The following SND1 variants were observed in gnomAD, a reference collection of about 807,000 sequenced individuals.
The protein encoded by SND1 is staphylococcal nuclease domain-containing protein 1.
A neutral mutation model predicts 121.7 loss-of-function variants in SND1; 38 were observed. The ratio of observed to expected loss-of-function variants is 0.31; its 90% confidence interval spans 0.24 to 0.41. The LOEUF (loss-of-function observed/expected upper bound fraction) is 0.41. SND1 is among the 10% of genes least tolerant of loss of function. The pLI is 1.00. For missense variants in SND1, 868 were observed against 1,184.6 expected, an observed-to-expected ratio of 0.73 and a Z score of 3.92; for synonymous variants, 401 against 447.4, an observed-to-expected ratio of 0.90 and a Z score of 1.31.
chr7:128,078,519 A>G (rs1179467937), intron 17 of SND1, among the ~76,000 whole-genome samples: 2 of 152,100 alleles, frequency 1.3e-5, no homozygotes, highest in Non-Finnish European at 2.9e-5. Flanking sequence ...GAGCTGTGGC[A>G]CCTTGTTACA....
At chr7:127,867,784 T>G (rs958026555) in intron 12 of SND1, among the ~76,000 whole-genome samples, 3 of 152,144 alleles carry the variant, frequency 2.0e-5, no homozygotes, top group African/African-American at 7.2e-5. Flanking sequence ...AACACACATC[T>G]GATTTTTAGA....
chr7:127,996,797 C>T (rs1802670264), intron 16 of SND1, among the ~76,000 whole-genome samples: 1 of 152,198 alleles, frequency 6.6e-6, no homozygotes, highest in Non-Finnish European at 1.5e-5. Flanking sequence ...AAAAAGGGAA[C>T]ATGTTATGGT....
chr7:127,826,434 C>A (rs543326218), intron 11 of SND1, among the ~76,000 whole-genome samples: 1 of 152,128 alleles, frequency 6.6e-6, no homozygotes, highest in South Asian at 2.1e-4. Flanking sequence ...AAATTATAGT[C>A]ATCTAGATTT....
chr7:127,958,514 TCAGGATTGG>T (rs980790392), intron 15 of SND1, among the ~76,000 whole-genome samples: 39 of 152,300 alleles, frequency 2.6e-4, no homozygotes, highest in African/African-American at 8.9e-4. Flanking sequence ...CCTTTCAGTG[TCAGGATTGG>T]CAGGAATGTT....
chr7:127,908,129 C>T (rs2116772205), intron 14 of SND1, among the ~76,000 whole-genome samples: 1 of 152,010 alleles, frequency 6.6e-6, no homozygotes, highest in Non-Finnish European at 1.5e-5. Context: ...CTGAATGAAC[C>T]CCCAGTTTGT....
chr7:127,661,921 G>A (rs1290512412), intron 1 of SND1, among the ~76,000 whole-genome samples: 5 of 152,088 alleles, frequency 3.3e-5, no homozygotes, highest in Non-Finnish European at 1.5e-5. Flanking sequence ...TTTGAGACCA[G>A]CCTGGCCAAC....
chr7:128,069,783 C>T (rs963735504), intron 16 of SND1, among the ~76,000 whole-genome samples: 14 of 152,254 alleles, frequency 9.2e-5, no homozygotes, highest in Non-Finnish European at 1.5e-4. Flanking sequence ...AATAGAGGCA[C>T]GGAGAACTTA....
At chr7:127,872,033 G>A (rs1271562948) in intron 12 of SND1, among the ~76,000 whole-genome samples, 1 of 152,134 alleles carries the variant, frequency 6.6e-6, no homozygotes, top group Non-Finnish European at 1.5e-5. Flanking sequence ...TCAGGAGGCT[G>A]AGGCAGGAGG....
intron 12 of SND1, among the ~76,000 whole-genome samples, chr7:127,876,706 G>A (rs1210565811): frequency 6.6e-6 from 1 of 152,152 alleles, no homozygotes; most frequent in Non-Finnish European, 1.5e-5. Flanking sequence ...AGTTCATGTA[G>A]TTTACTTTCT....
Position 127,652,379 on chromosome 7 carries a change from G to GTACTCCGCGCAGAGCGGCGGC in SND1, c.7_8insACTCCGCGCAGAGCGGCGGCT (p.Ala2_Ser3insTyrSerAlaGlnSerGlyGly). On this transcript the variant is annotated inframe_insertion, in exon 1 of 24. Transcript: ENST00000354725. Reference sequence around the variant, plus strand: ...TTGCCTTTGCATCTCCACACATGGCGTCCTCCGCGCAGAGCGGCGGCTCCT... The same window carrying GTACTCCGCGCAGAGCGGCGGC: ...TTGCCTTTGCATCTCCACACATGGCGTACTCCGCGCAGAGCGGCGGCTCCTCCGCGCAGAGCGGCGGCTCCT... 6.3e-7 allele frequency: 1 copy of GTACTCCGCGCAGAGCGGCGGC among 1,596,480 alleles called. No individual in the cohort carries two copies. The highest frequency in any genetic ancestry group is 8.5e-7 in the Non-Finnish European group (1 of 1,172,120).
chr7:127,923,391 A>G (rs1800760186), intron 14 of SND1, among the ~76,000 whole-genome samples: 1 of 151,998 alleles, frequency 6.6e-6, no homozygotes, highest in East Asian at 1.9e-4. Flanking sequence ...CTTGCAATTC[A>G]CTGAAGTTTA....
At position 127,771,909 on chromosome 7, in the gene SND1, C is replaced by T. The variant is rs542806644; in HGVS notation, c.1153-35575C>T. 2.4e-4 allele frequency among the ~76,000 whole-genome samples: 37 copies of T among 152,170 alleles called. No individual in the cohort carries two copies. In the South Asian group the frequency reaches 4.4e-3, roughly 18 times the overall value. On this transcript the variant is annotated intron_variant, in intron 10 of 23. Coordinates refer to ENST00000354725, the MANE Select transcript of SND1 (RefSeq NM_014390.4). ...TGGATCACCTCGGTGGTTTCGCTTC[C>T]GGCTGGGCCATCTATTTAAAAAGAT...
chr7:127,918,534 CT>C (rs1175788202), intron 14 of SND1, among the ~76,000 whole-genome samples: 1 of 152,084 alleles, frequency 6.6e-6, no homozygotes, highest in African/African-American at 2.4e-5. Flanking sequence ...TTATTTATTT[CT>C]TTTTCTTTTA....
chr7:127,951,632 C>T (rs1801465016), intron 15 of SND1, among the ~76,000 whole-genome samples: 1 of 152,110 alleles, frequency 6.6e-6, no homozygotes, highest in South Asian at 2.1e-4. Context: ...GTAATTTCTT[C>T]TTGTGAGTAA....
intron 12 of SND1, among the ~76,000 whole-genome samples, chr7:127,881,543 AAG>A (rs1251216093): frequency 6.6e-6 from 1 of 152,140 alleles, no homozygotes; most frequent in Non-Finnish European, 1.5e-5. Context: ...ATGAGTGAGA[AAG>A]AGTATATATG....
chr7:128,066,428 G>T (rs1278908375), intron 16 of SND1, among the ~76,000 whole-genome samples: 1 of 152,216 alleles, frequency 6.6e-6, no homozygotes, highest in Non-Finnish European at 1.5e-5. Flanking sequence ...AGAGTTACCT[G>T]GTCTGGAGGT....
chr7:127,985,303 G>A (rs535917611), intron 15 of SND1, among the ~76,000 whole-genome samples: 14 of 152,304 alleles, frequency 9.2e-5, no homozygotes, highest in East Asian at 1.9e-4. Context: ...TCTAGCCCGG[G>A]CTAGAGTGCA....
At chr7:127,991,560 CCTG>C (rs1204421121) in intron 16 of SND1, among the ~76,000 whole-genome samples, 2 of 152,164 alleles carry the variant, frequency 1.3e-5, no homozygotes, top group Non-Finnish European at 2.9e-5. Context: ...TGCCCTTCTA[CCTG>C]CTAATTTTGC....
intron 10 of SND1, among the ~76,000 whole-genome samples, chr7:127,730,407 T>A (rs577346400): frequency 1.3e-5 from 2 of 152,278 alleles, no homozygotes; most frequent in Non-Finnish European, 2.9e-5. Context: ...TCAGTTTAGC[T>A]GTGAAGACAT....
Sources: allele counts gnomAD v4.1 joint callset (sites outside exome capture counted in the v4.1 genomes callset), GRCh38; gene constraint gnomAD v4.1.1; transcripts MANE v1.5; gene names NCBI Gene and HGNC (gene_info 2026-07-23, HGNC 2026-07-21).